Variants in KCNK4 observed in about 807,000 individuals in gnomAD.
KCNK4 encodes the protein potassium two pore domain channel subfamily K member 4, also known as potassium channel subfamily K member 4.
A neutral mutation model predicts 28.8 loss-of-function variants in KCNK4; 22 were observed. The observed-to-expected ratio is 0.76, with a 90% CI of 0.55 to 1.09. KCNK4 has a LOEUF of 1.09. Among genes scored for constraint, KCNK4 ranks in the 50% least tolerant of loss-of-function variants. The pLI, the probability that KCNK4 is intolerant of heterozygous loss-of-function variation, is 0.00. For synonymous variants in KCNK4, 263 were observed against 252.9 expected (o/e 1.04, Z -0.38); for missense variants, 483 against 546.3 (o/e 0.88, Z 1.15).
At position 64,297,265 on chromosome 11, in the gene KCNK4, G is replaced by T. The variant is rs1197960234; in HGVS notation, c.460G>T (p.Glu154Ter). The change falls in exon 4 of 7, where the codon GAA becomes TAA. Residue 154 changes from glutamate to a stop codon, truncating the protein, a stop_gained. Coordinates refer to ENST00000422670, the MANE Select transcript of KCNK4 (RefSeq NM_033310.3). LOFTEE classifies it high-confidence loss of function. ...SSLRHGIGHI[E>*]AIFLKWHVPP... Reference sequence around the variant, plus strand: ...CCTGCGCCATGGCATCGGTCACATTGAAGCCATCTTCTTGGTGAGCTGCTC... The same window carrying T: ...CCTGCGCCATGGCATCGGTCACATTTAAGCCATCTTCTTGGTGAGCTGCTC... 1 of 1,612,814 alleles carries T rather than the reference G, an allele frequency of 6.2e-7. No individual in the cohort carries two copies. Among genetic ancestry groups the T allele is most frequent in the Admixed American group, 1.7e-5 (1 of 59,964 alleles).
At position 64,299,554 on chromosome 11, in the gene KCNK4, TG is replaced by T. The variant is rs1017699580; in HGVS notation, c.1012del (p.Asp338IlefsTer80). 6 of 1,608,928 alleles carry T rather than the reference TG, an allele frequency of 3.7e-6. No homozygotes were observed. The Admixed American group carries it at 5.0e-5, about 13-fold the overall frequency. Reference protein sequence around the residue: ...QPPSPPTASALDYPSENLAFI... With the variant: ...QPPSPPTASAXDYPSENLAFI... ...CCTTCCCCGCCCACGGCCTCGGCCC[TG>T]GATTATCCCAGCGAGAACCTGGCCT... On this transcript the variant is annotated frameshift_variant, in exon 7 of 7. Coordinates refer to ENST00000422670, the MANE Select transcript of KCNK4 (RefSeq NM_033310.3). LOFTEE classifies it high-confidence loss of function.
chr11:64,297,535 G>A lies in KCNK4; in HGVS notation c.543G>A (p.Leu181=), dbSNP rs369703019. 2.5e-6 allele frequency: 4 copies of A among 1,614,170 alleles called. No homozygotes were observed. Among genetic ancestry groups the A allele is most frequent in the Non-Finnish European group, 3.4e-6 (4 of 1,180,032 alleles). ...SAMLFLLIGC[L]LFVLTPTFVF... is the part of the protein sequence containing the mutation. The stretch of plus-strand genomic sequence containing the variant: ...TGCTTTTCCTGCTGATCGGCTGCCT[G>A]CTCTTTGTCCTCACGCCCACGTTCG... The change falls in exon 5 of 7, where the codon CTG becomes CTA. Residue 181 remains leucine (L), a synonymous_variant. Transcript: ENST00000422670.
chr11:64,293,004 G>C lies in KCNK4; in HGVS notation c.-15G>C. 6.5e-7 allele frequency: 1 copy of C among 1,534,788 alleles called. No individual in the cohort carries two copies. The highest frequency in any genetic ancestry group is 1.4e-5 in the African/African-American group (1 of 72,412). On this transcript the variant is annotated 5_prime_UTR_variant, in exon 2 of 7. Transcript: ENST00000422670. ...CCAGGCGGGCAGTGGAGCTGGCCCG[G>C]CGCCTGGGCGCGCCATGCGCAGCAC...
chr11:64,298,327 C>G, intron 6 of KCNK4, 78 bp downstream of exon 6: 1 of 1,560,554 alleles, frequency 6.4e-7, no homozygotes, highest in African/African-American at 1.3e-5. Context: ...GTTGATCAGG[C>G]TGTCTCCTAT....
At position 64,299,999 on chromosome 11, in the gene KCNK4, G is replaced by T; in HGVS notation, c.*273G>T. On this transcript the variant is annotated 3_prime_UTR_variant, in exon 7 of 7. Coordinates refer to ENST00000422670, the MANE Select transcript of KCNK4 (RefSeq NM_033310.3). ...AAAGCCTGCATCAATAAATGAAAACGGTCTGCACCGCTGCGGGCGTGACGC... is the reference window on the plus strand; with the variant it reads ...AAAGCCTGCATCAATAAATGAAAACTGTCTGCACCGCTGCGGGCGTGACGC... The T allele has an allele frequency of 3.2e-6, 2 of 634,370 alleles. No individual in the cohort carries two copies. The highest frequency in any genetic ancestry group is 5.4e-6 in the Non-Finnish European group (2 of 368,316). The allele number at this position is 634,370 out of a possible 1,614,324, so 39.3% of individuals were successfully genotyped here. A position where few individuals can be genotyped will look rare whatever the true frequency, so the allele number is the denominator to read the frequency against.
chr11:64,293,250 C>T, intron 2 of KCNK4, 43 bp downstream of exon 2: 1 of 1,405,716 alleles, frequency 7.1e-7, no homozygotes, highest in Non-Finnish European at 9.3e-7. Context: ...CACCCATCAC[C>T]CCTGGCGCTA....
chr11:64,299,676 G>T lies in KCNK4; in HGVS notation c.1132G>T (p.Val378Leu). The T allele has an allele frequency of 6.3e-7, 1 of 1,595,172 alleles. No homozygotes were observed. Among genetic ancestry groups the T allele is most frequent in the Non-Finnish European group, 8.5e-7 (1 of 1,172,162 alleles). Residue 378 changes from valine (V) to leucine (L), a missense_variant, in exon 7 of 7, where the codon GTG (valine) becomes TTG (leucine). Transcript: ENST00000422670. ...CCGCCCAAATCCCCCCAGGAAGCCCGTGCGGCCCCGCGGCCCCGGGCGTCC... is the reference window on the plus strand; with the variant it reads ...CCGCCCAAATCCCCCCAGGAAGCCCTTGCGGCCCCGCGGCCCCGGGCGTCC... Reference protein sequence around the residue: ...RRRPNPPRKPVRPRGPGRPRD... With the variant: ...RRRPNPPRKPLRPRGPGRPRD...
chr11:64,299,899 C>T lies in KCNK4; in HGVS notation c.*173C>T. 7.8e-7 allele frequency: 1 copy of T among 1,288,234 alleles called. No homozygotes were observed. Among genetic ancestry groups the T allele is most frequent in the Non-Finnish European group, 1.1e-6 (1 of 933,002 alleles). The allele number at this position is 1,288,234 out of a possible 1,614,324, so 79.8% of individuals were successfully genotyped here. On this transcript the variant is annotated 3_prime_UTR_variant, in exon 7 of 7. Transcript: ENST00000422670. ...GCCCTTCCCTCACTTCCATCCATCT[C>T]TAGACCCCCCCAAGGCTTTCTGTGT...
At position 64,299,910 on chromosome 11, in the gene KCNK4, C is replaced by G; in HGVS notation, c.*184C>G. 8.5e-7 allele frequency: 1 copy of G among 1,180,638 alleles called. No homozygotes were observed. Among genetic ancestry groups the G allele is most frequent in the Non-Finnish European group, 1.2e-6 (1 of 844,552 alleles). The allele number at this position is 1,180,638 out of a possible 1,614,324, so 73.1% of individuals were successfully genotyped here. On this transcript the variant is annotated 3_prime_UTR_variant, in exon 7 of 7. Coordinates refer to ENST00000422670, the MANE Select transcript of KCNK4 (RefSeq NM_033310.3). ...ACTTCCATCCATCTCTAGACCCCCC[C>G]AAGGCTTTCTGTGTCGCTGCCCCGG... is the stretch of plus-strand genomic sequence containing the variant.
intron 1 of KCNK4, 97 bp from the exon 2 acceptor site, chr11:64,292,845 G>A: frequency 7.6e-7 from 1 of 1,323,382 alleles, no homozygotes; most frequent in Non-Finnish European, 9.8e-7. Context: ...AGTGCAGCTG[G>A]GGGCTTTATG....
rs747318105 is a variant in KCNK4, at chr11:64,297,668, C to T, written c.661+15C>T. The T allele has an allele frequency of 3.7e-6, 6 of 1,605,314 alleles. No individual in the cohort carries two copies. The highest frequency in any genetic ancestry group is 5.1e-6 in the Non-Finnish European group (6 of 1,173,626). On this transcript the variant is annotated intron_variant, in intron 5 of 6. Coordinates refer to ENST00000422670, the MANE Select transcript of KCNK4 (RefSeq NM_033310.3). ...CTATGTGGCCGGTGAGGCCGCCCTT[C>T]TTGTGCTGCACTTTCCCATCTACTT...
chr11:64,300,009 G>A lies in KCNK4; in HGVS notation c.*283G>A. ...TCAATAAATGAAAACGGTCTGCACCGCTGCGGGCGTGACGCTCCCGGACGC... is the reference window on the plus strand; with the variant it reads ...TCAATAAATGAAAACGGTCTGCACCACTGCGGGCGTGACGCTCCCGGACGC... On this transcript the variant is annotated 3_prime_UTR_variant, in exon 7 of 7. Coordinates refer to ENST00000422670, the MANE Select transcript of KCNK4 (RefSeq NM_033310.3). The A allele has an allele frequency of 1.6e-6, 1 of 628,652 alleles. No homozygotes were observed. The highest frequency in any genetic ancestry group is 2.7e-6 in the Non-Finnish European group (1 of 363,846). The allele number at this position is 628,652 out of a possible 1,614,324, so 38.9% of individuals were successfully genotyped here.
intron 6 of KCNK4, among the ~76,000 whole-genome samples, chr11:64,299,051 A>G (rs2034850846): frequency 3.3e-4 from 1 of 2,998 alleles, no homozygotes; most frequent in African/African-American, 7.3e-4. Flanking sequence ...AAAAAAGAAG[A>G]AAAAAAAAAA....
rs1348622999 is a variant in KCNK4, at chr11:64,297,235, T to C, written c.430T>C (p.Ser144Pro). The change falls in exon 4 of 7, where the codon TCC becomes CCC. Residue 144 changes from serine (S) to proline (P), a missense_variant. Ser to Pro is a moderately conservative substitution (Grantham distance 74, BLOSUM62 -1). Transcript: ENST00000422670. Reference sequence around the variant, plus strand: ...GGCAGGGGTCGGGGACCGGCTGGGCTCCTCCCTGCGCCATGGCATCGGTCA... The same window carrying C: ...GGCAGGGGTCGGGGACCGGCTGGGCCCCTCCCTGCGCCATGGCATCGGTCA... ...LLAGVGDRLG[S>P]SLRHGIGHIE... The C allele has an allele frequency of 6.2e-7, 1 of 1,613,720 alleles. No individual in the cohort carries two copies. The highest frequency in any genetic ancestry group is 2.2e-5 in the East Asian group (1 of 44,884).
At chr11:64,298,390 G>A (rs563232916) in intron 6 of KCNK4, 141 bp downstream of exon 6, 11 of 1,013,456 alleles carry the variant, frequency 1.1e-5, no homozygotes, top group Admixed American at 2.3e-5. Flanking sequence ...TGTGTGCCCC[G>A]CAGGGAACAG....
At chr11:64,292,143 C>G (rs2034645602) in intron 1 of KCNK4, 2 of 973,712 alleles carry the variant, frequency 2.1e-6, no homozygotes, top group Non-Finnish European at 2.5e-6. Flanking sequence ...CGGGGCGGCG[C>G]GGCGCTGCAG....
chr11:64,292,984 C>T lies in KCNK4; in HGVS notation c.-35C>T, dbSNP rs1339614822. 12 of 1,513,488 alleles carry T rather than the reference C, an allele frequency of 7.9e-6. No homozygotes were observed. Among genetic ancestry groups the T allele is most frequent in the Admixed American group, 2.2e-5 (1 of 45,294 alleles). 93.8% of individuals were successfully genotyped at this position (1,513,488 alleles called of 1,614,324 possible). On this transcript the variant is annotated 5_prime_UTR_variant, in exon 2 of 7. Coordinates refer to ENST00000422670, the MANE Select transcript of KCNK4 (RefSeq NM_033310.3). ...GAGCCCCCCGCCCGGCCCCTCCAGG[C>T]GGGCAGTGGAGCTGGCCCGGCGCCT...
chr11:64,297,093 A>G (rs1337631431), intron 3 of KCNK4, 26 bp from the exon 4 acceptor site: 1 of 1,613,820 alleles, frequency 6.2e-7, no homozygotes, highest in Non-Finnish European at 8.5e-7. Context: ...TGGCCCCTAG[A>G]CTTCCTGCAT....
intron 1 of KCNK4, chr11:64,292,075 T>C (rs2034643439): frequency 1.8e-6 from 2 of 1,112,392 alleles, no homozygotes; most frequent in Non-Finnish European, 1.1e-6. Context: ...GGCACGCCCA[T>C]GGGGGCCGGG....
Sources: allele counts gnomAD v4.1 joint callset (sites outside exome capture counted in the v4.1 genomes callset), GRCh38; gene constraint gnomAD v4.1.1; transcripts MANE v1.5; gene names NCBI Gene and HGNC (gene_info 2026-07-23, HGNC 2026-07-21).